The following PCNT variants were observed in gnomAD, a reference collection of about 807,000 sequenced individuals.
PCNT encodes the protein kendrin.
A neutral mutation model predicts 380.4 loss-of-function variants in PCNT; 319 were observed. The ratio of observed to expected loss-of-function variants is 0.84; its 90% CI spans 0.77 to 0.92. PCNT has a LOEUF of 0.92. PCNT is among the 40% of genes least tolerant of loss of function. The pLI is 0.00. For missense variants in PCNT, 4,400 were observed against 4,255.3 expected, an observed-to-expected ratio of 1.03 and a Z score of -0.95; for synonymous variants, 1,845 against 1,735.2, an observed-to-expected ratio of 1.06 and a Z score of -1.57.
chr21:46,352,569 C>T (rs2084312283), intron 9 of PCNT, among the ~76,000 whole-genome samples: 1 of 152,202 alleles, frequency 6.6e-6, no homozygotes. Context: ...TGTATTCTGA[C>T]CATAGTAGCC....
At position 46,430,120 on chromosome 21, in the gene PCNT, G is replaced by C. The variant is rs1174793116; in HGVS notation, c.7801G>C (p.Ala2601Pro). ...AAACAGCGTGCAGAAGCTCCTGGCGGCGGAGCAGACTGTAGTGCGAGATTT... is the reference window on the plus strand; with the variant it reads ...AAACAGCGTGCAGAAGCTCCTGGCGCCGGAGCAGACTGTAGTGCGAGATTT... Reference protein sequence around the residue: ...KANSVQKLLAAEQTVVRDLKS... With the variant: ...KANSVQKLLAPEQTVVRDLKS... Residue 2601 changes from alanine (A) to proline (P), a missense_variant, in exon 36 of 47, where the codon GCG (alanine) becomes CCG (proline). Ala to Pro is a conservative substitution (Grantham distance 27). Coordinates refer to ENST00000359568, the MANE Select transcript of PCNT (RefSeq NM_006031.6). 1 of 1,614,206 alleles carries C rather than the reference G, an allele frequency of 6.2e-7. No homozygotes were observed. Among genetic ancestry groups the C allele is most frequent in the Admixed American group, 1.7e-5 (1 of 60,034 alleles).
chr21:46,375,871 G>A (rs1241813784), intron 15 of PCNT, among the ~76,000 whole-genome samples: 1 of 152,244 alleles, frequency 6.6e-6, no homozygotes, highest in East Asian at 1.9e-4. Context: ...ACAGGGCCAA[G>A]CGTGGACAGT....
chr21:46,422,676 A>G (rs886923800), intron 32 of PCNT, among the ~76,000 whole-genome samples: 4 of 152,214 alleles, frequency 2.6e-5, no homozygotes, highest in Non-Finnish European at 5.9e-5. Context: ...TGATGCCACT[A>G]CAGGAGCTTA....
At chr21:46,403,580 A>T (rs1283476474) in intron 27 of PCNT, among the ~76,000 whole-genome samples, 1 of 84,728 alleles carries the variant, frequency 1.2e-5, no homozygotes, top group South Asian at 5.0e-4. Flanking sequence ...CCCACGTGGC[A>T]CATGCTCGGT....
chr21:46,366,158 C>A (rs141520989), intron 14 of PCNT, among the ~76,000 whole-genome samples: 2,308 of 152,342 alleles, frequency 0.015, 24 homozygotes, highest in Middle Eastern at 0.048. Flanking sequence ...TCCCCATGGG[C>A]CCCCATGGGC....
chr21:46,324,922 G>T, intron 1 of PCNT: 1 of 985,474 alleles, frequency 1.0e-6, no homozygotes, highest in South Asian at 4.7e-5. Context: ...AGGCCCCCGC[G>T]GCGCTCCCGG....
At chr21:46,439,228 C>G (rs2053543519) in intron 41 of PCNT, among the ~76,000 whole-genome samples, 1 of 152,194 alleles carries the variant, frequency 6.6e-6, no homozygotes, top group African/African-American at 2.4e-5. Flanking sequence ...GATGGCCCCC[C>G]CAAAAAGAGC....
At chr21:46,353,020 A>G in intron 9 of PCNT, 84 bp from the exon 10 acceptor site, 2 of 1,126,644 alleles carry the variant, frequency 1.8e-6, no homozygotes, top group South Asian at 2.6e-5. Context: ...TGCCCCCACC[A>G]CAGGTAACCA....
At position 46,366,686 on chromosome 21, in the gene PCNT, C is replaced by G; in HGVS notation, c.2712C>G (p.Leu904=). 4.3e-6 allele frequency: 7 copies of G among 1,613,852 alleles called. No individual in the cohort carries two copies. Among genetic ancestry groups the G allele is most frequent in the Non-Finnish European group, 5.9e-6 (7 of 1,180,006 alleles). The part of the protein sequence containing the change: ...QEQHARELQL[L]QERHQQQLLS... ...AGCATGCCCGTGAGCTGCAGCTCCTCCAGGAGAGACACCAGCAGCAGCTCC... is the reference window on the plus strand; with the variant it reads ...AGCATGCCCGTGAGCTGCAGCTCCTGCAGGAGAGACACCAGCAGCAGCTCC... The change falls in exon 15 of 47, where the codon CTC becomes CTG. Residue 904 remains leucine, a synonymous_variant. Coordinates refer to ENST00000359568, the MANE Select transcript of PCNT (RefSeq NM_006031.6).
At chr21:46,376,016 C>A (rs1004692390) in intron 15 of PCNT, among the ~76,000 whole-genome samples, 1 of 152,180 alleles carries the variant, frequency 6.6e-6, no homozygotes. Flanking sequence ...GTCTGCCATG[C>A]CCGGGCGTCC....
At chr21:46,362,622 G>C (rs931581134) in intron 13 of PCNT, among the ~76,000 whole-genome samples, 2 of 152,110 alleles carry the variant, frequency 1.3e-5, no homozygotes, top group Non-Finnish European at 2.9e-5. Flanking sequence ...GAGTTCAGTA[G>C]TTTATTGACC....
chr21:46,413,134 CG>C (rs2086855531), intron 29 of PCNT, 142 bp downstream of exon 29: 7 of 449,130 alleles, frequency 1.6e-5, no homozygotes, highest in Non-Finnish European at 2.8e-5. Context: ...GGGGAAGGCA[CG>C]AGGCCCACCC....
At chr21:46,335,294 C>T (rs2083699111) in intron 3 of PCNT, among the ~76,000 whole-genome samples, 1 of 152,126 alleles carries the variant, frequency 6.6e-6, no homozygotes, top group South Asian at 2.1e-4. Flanking sequence ...GGGATGAATT[C>T]CATACGTGTT....
chr21:46,385,165 G>T (rs779972894), intron 16 of PCNT, among the ~76,000 whole-genome samples: 1 of 152,138 alleles, frequency 6.6e-6, no homozygotes, highest in Middle Eastern at 3.2e-3. Flanking sequence ...TACCAGCCTG[G>T]GCAACATAGG....
At chr21:46,402,628 C>T (rs929467735) in intron 27 of PCNT, 145 bp downstream of exon 27, 2 of 806,818 alleles carry the variant, frequency 2.5e-6, no homozygotes, top group Non-Finnish European at 4.2e-6. Context: ...GCAGAGAGCG[C>T]CCGATTCTGC....
chr21:46,360,103 C>T (rs906562077), intron 13 of PCNT, among the ~76,000 whole-genome samples: 11 of 151,836 alleles, frequency 7.2e-5, no homozygotes, highest in Non-Finnish European at 8.8e-5. Context: ...GTGATCCACC[C>T]GCCTCGGCCT....
At chr21:46,337,815 C>T (rs541195346) in intron 3 of PCNT, among the ~76,000 whole-genome samples, 2 of 152,132 alleles carry the variant, frequency 1.3e-5, no homozygotes, top group South Asian at 4.1e-4. Context: ...CTCCCAACCT[C>T]AGGTGATCCG....
At chr21:46,401,787 C>A in intron 26 of PCNT, 66 bp downstream of exon 26, 1 of 1,465,362 alleles carries the variant, frequency 6.8e-7, no homozygotes, top group East Asian at 2.3e-5. Context: ...TTCTCTGTGG[C>A]AGATCCGATG....
Position 46,382,256 on chromosome 21 carries a change from C to T in PCNT, c.3312+416C>T, listed in dbSNP as rs1204730847. ...GCATTCAGTGGCGGAAGCCCATTCA[C>T]GGTGTTGTGCATTCAGTGGTGGAAG... On this transcript the variant is annotated intron_variant, in intron 16 of 46. Coordinates refer to ENST00000359568, the MANE Select transcript of PCNT (RefSeq NM_006031.6). 2.1e-5 allele frequency among the ~76,000 whole-genome samples: 3 copies of T among 143,968 alleles called. 1 individual carries two copies. Among genetic ancestry groups the T allele is most frequent in the Non-Finnish European group, 4.6e-5 (3 of 65,812 alleles). The allele number at this position is 143,968 out of a possible 152,430, so 94.4% of individuals were successfully genotyped here. A position where few individuals can be genotyped will look rare whatever the true frequency, so the allele number is the denominator to read the frequency against.
Sources: gnomAD v4.1 joint callset for allele counts (sites outside exome capture counted in the v4.1 genomes callset) on GRCh38, gnomAD v4.1.1 for gene constraint, MANE v1.5 for transcripts, NCBI Gene and HGNC (gene_info 2026-07-23, HGNC 2026-07-21) for gene names.